The following SNTG1 variants were observed in gnomAD, a reference collection of about 807,000 sequenced individuals.
The protein encoded by SNTG1 is gamma-1-syntrophin.
SNTG1 carries 39 observed loss-of-function variants against 74.7 expected under a neutral mutation model. That is an observed-to-expected ratio of 0.52 (90% CI 0.40 to 0.68). The LOEUF (loss-of-function observed/expected upper bound fraction) is 0.68, where lower values mean the gene tolerates loss of function less well. Among genes scored for constraint, SNTG1 ranks in the 30% least tolerant of loss-of-function variants. The pLI is 0.00. For missense variants in SNTG1, 685 were observed against 609.5 expected, an observed-to-expected ratio of 1.12 and a Z score of -1.30; for synonymous variants, 254 against 217.1, an observed-to-expected ratio of 1.17 and a Z score of -1.49.
chr8:50,411,205 T>G (rs2092944035), intron 4 of SNTG1, among the ~76,000 whole-genome samples: 1 of 152,026 alleles, frequency 6.6e-6, no homozygotes, highest in South Asian at 2.1e-4. Flanking sequence ...TCCCAGCACT[T>G]TGGGAGGCCG....
At chr8:50,612,570 T>C (rs1462609655) in intron 13 of SNTG1, among the ~76,000 whole-genome samples, 1 of 152,186 alleles carries the variant, frequency 6.6e-6, no homozygotes, top group Non-Finnish European at 1.5e-5. Flanking sequence ...ATCAGTGTGA[T>C]ATTAGGAAGT....
chr8:50,574,688 G>A (rs1462295029), intron 12 of SNTG1, among the ~76,000 whole-genome samples: 2 of 152,032 alleles, frequency 1.3e-5, no homozygotes, highest in African/African-American at 2.4e-5. Flanking sequence ...ATTAATAGAT[G>A]TTTGGTTTTT....
At chr8:50,568,227 T>TTGTTTGTGTGTG (rs140888701) in intron 12 of SNTG1, among the ~76,000 whole-genome samples, 12,298 of 146,260 alleles carry the variant, frequency 0.084, 621 homozygotes, top group African/African-American at 0.14. Flanking sequence ...TTGTCCATGT[T>TTGTTTGTGTGTG]TGTGTGTGTG....
intron 2 of SNTG1, among the ~76,000 whole-genome samples, chr8:50,310,458 G>A (rs908341643): frequency 8.5e-5 from 13 of 152,136 alleles, no homozygotes; most frequent in Non-Finnish European, 1.0e-4. Context: ...GGAGGTCAAG[G>A]TGGATGGGTC....
intron 1 of SNTG1, among the ~76,000 whole-genome samples, chr8:49,974,486 T>TCAAGTTCCTTGCTCTTTCACG (rs1563417636): frequency 2.0e-5 from 3 of 152,288 alleles, no homozygotes; most frequent in African/African-American, 7.2e-5. Context: ...GGTCTTTCAC[T>TCAAGTTCCTTGCTCTTTCACG]TCAAGTTCCT....
chr8:50,062,559 C>T (rs962485067), intron 1 of SNTG1, among the ~76,000 whole-genome samples: 3 of 152,134 alleles, frequency 2.0e-5, no homozygotes, highest in Non-Finnish European at 2.9e-5. Flanking sequence ...ATCACTAATG[C>T]TGCCAATTCT....
chr8:50,385,510 C>T (rs574100555), intron 2 of SNTG1, among the ~76,000 whole-genome samples: 2 of 152,152 alleles, frequency 1.3e-5, no homozygotes, highest in Non-Finnish European at 2.9e-5. Flanking sequence ...GTTAATAAGC[C>T]TAGAATAGTT....
intron 2 of SNTG1, among the ~76,000 whole-genome samples, chr8:50,323,623 A>T (rs566703258): frequency 6.6e-6 from 1 of 152,050 alleles, no homozygotes; most frequent in Non-Finnish European, 1.5e-5. Flanking sequence ...GTTTTCCTTT[A>T]TTTTCTCAGA....
intron 2 of SNTG1, among the ~76,000 whole-genome samples, chr8:50,225,206 T>A (rs567895621): frequency 2.0e-5 from 3 of 152,236 alleles, no homozygotes; most frequent in African/African-American, 7.2e-5. Flanking sequence ...TCTCCTGACC[T>A]CGTGATCCAC....
rs539184631 is a variant in SNTG1, at chr8:50,262,600, G to A, written c.-28+89965G>A. ...ATTTTTTTATATTTTTAGTAGAGAC[G>A]GGGTTTCACCATGTTAGCCAGGATG... On this transcript the variant is annotated intron_variant, in intron 2 of 18. Coordinates refer to ENST00000642720, the MANE Select transcript of SNTG1 (RefSeq NM_018967.5). 1.1e-4 allele frequency among the ~76,000 whole-genome samples: 17 copies of A among 152,018 alleles called. 1 individual carries two copies. Among genetic ancestry groups the A allele is most frequent in the African/African-American group, 3.9e-4 (16 of 41,466 alleles).
chr8:50,681,115 TA>T (rs1440825751), intron 15 of SNTG1, among the ~76,000 whole-genome samples: 1 of 152,146 alleles, frequency 6.6e-6, no homozygotes, highest in Admixed American at 6.6e-5. Context: ...ACTAATATAA[TA>T]AATTATAGAC....
chr8:50,490,174 C>T (rs1027828334), intron 8 of SNTG1, among the ~76,000 whole-genome samples: 5 of 152,132 alleles, frequency 3.3e-5, no homozygotes, highest in African/African-American at 1.2e-4. Context: ...GTTACTGTAG[C>T]CTTGTACTAT....
At chr8:50,346,414 C>G (rs1284081422) in intron 2 of SNTG1, among the ~76,000 whole-genome samples, 1 of 152,170 alleles carries the variant, frequency 6.6e-6, no homozygotes, top group African/African-American at 2.4e-5. Context: ...GTCTGCTCCA[C>G]CAACCAGCCA....
chr8:50,054,219 G>A (rs1819833156), intron 1 of SNTG1, among the ~76,000 whole-genome samples: 1 of 151,962 alleles, frequency 6.6e-6, no homozygotes, highest in Non-Finnish European at 1.5e-5. Flanking sequence ...TCCCAAATGG[G>A]CTCCCTTCTG....
At chr8:50,563,501 C>G (rs2094499461) in intron 12 of SNTG1, among the ~76,000 whole-genome samples, 1 of 152,036 alleles carries the variant, frequency 6.6e-6, no homozygotes, top group Admixed American at 6.6e-5. Context: ...TAGATGTTCC[C>G]TGTGTTTCTG....
intron 17 of SNTG1, among the ~76,000 whole-genome samples, chr8:50,722,163 C>T (rs915389376): frequency 1.4e-5 from 2 of 139,092 alleles, no homozygotes; most frequent in African/African-American, 6.2e-5. Flanking sequence ...TATATATATA[C>T]GTATATGTGT....
Position 50,449,729 on chromosome 8 carries a change from A to T in SNTG1, c.277+4A>T, listed in dbSNP as rs776940295. On this transcript the variant is annotated splice_donor_region_variant and intron_variant, in intron 6 of 18. Coordinates refer to ENST00000642720, the MANE Select transcript of SNTG1 (RefSeq NM_018967.5). ...AAAATCTCCAAGGAACAAAGAGGTA[A>T]TATGTTTAGAGAATTGTGTACCAGC... 6.3e-7 allele frequency: 1 copy of T among 1,587,040 alleles called. No homozygotes were observed. Among genetic ancestry groups the T allele is most frequent in the South Asian group, 1.2e-5 (1 of 86,030 alleles).
chr8:50,768,505 G>A (rs192664878), intron 18 of SNTG1, among the ~76,000 whole-genome samples: 10 of 152,126 alleles, frequency 6.6e-5, no homozygotes, highest in Admixed American at 5.2e-4. Context: ...TGGCACTTGA[G>A]TCTTATAAAT....
At chr8:50,693,299 T>C (rs2095390347) in intron 15 of SNTG1, among the ~76,000 whole-genome samples, 1 of 152,106 alleles carries the variant, frequency 6.6e-6, no homozygotes, top group South Asian at 2.1e-4. Flanking sequence ...GAGATGAACC[T>C]GGTACCTCAG....
Sources: allele counts gnomAD v4.1 joint callset (sites outside exome capture counted in the v4.1 genomes callset), GRCh38; gene constraint gnomAD v4.1.1; transcripts MANE v1.5; gene names NCBI Gene and HGNC (gene_info 2026-07-23, HGNC 2026-07-21).